The following SCD5 variants were observed in gnomAD, a reference collection of about 807,000 sequenced individuals.
The protein encoded by SCD5 is stearoyl-CoA desaturase 5, also known as acyl-CoA-desaturase 4.
In SCD5, 20 loss-of-function variants were observed where a neutral mutation model predicts 30.4. That is an observed-to-expected ratio of 0.66 (90% confidence interval 0.46 to 0.96). The LOEUF (loss-of-function observed/expected upper bound fraction) is 0.96. SCD5 is among the 40% of genes least tolerant of loss of function. SCD5 has a pLI of 0.00. For synonymous variants in SCD5, 173 were observed against 176.4 expected, an observed-to-expected ratio of 0.98 and a Z score of 0.16; for missense variants, 381 against 443.3, an observed-to-expected ratio of 0.86 and a Z score of 1.26.
At chr4:82,779,398 G>A (rs1478648418) in intron 1 of SCD5, among the ~76,000 whole-genome samples, 1 of 152,202 alleles carries the variant, frequency 6.6e-6, no homozygotes, top group Admixed American at 6.5e-5. Flanking sequence ...GATTACCCAC[G>A]AGGGCCTCCT....
At chr4:82,691,448 A>G (rs1366789355) in intron 2 of SCD5, among the ~76,000 whole-genome samples, 3 of 152,230 alleles carry the variant, frequency 2.0e-5, no homozygotes, top group Admixed American at 6.5e-5. Context: ...GAACTAAGAA[A>G]AGGCCATTGT....
In SCD5 at chr4:82,685,731, A is replaced by C. The variant is rs113529442; in HGVS notation, c.364-4819T>G. On this transcript the variant is annotated intron_variant, in intron 2 of 4. Transcript: ENST00000319540. The stretch of plus-strand genomic sequence containing the variant: ...TGTCTCAAAAAACAAAACAAACAAA[A>C]AAAAAAACTAAAAACAAAAAAAGTG... Among the ~76,000 whole-genome samples, 313 of 152,126 alleles carry C rather than the reference A, an allele frequency of 2.1e-3. 2 individuals carry two copies. The highest frequency in any genetic ancestry group is 3.6e-3 in the African/African-American group (149 of 41,538).
rs1056077577 is a variant in SCD5 at position 82,629,649 on chromosome 4, T to C, written c.*1678A>G. On this transcript the variant is annotated 3_prime_UTR_variant, in exon 5 of 5. Coordinates refer to ENST00000319540, the MANE Select transcript of SCD5 (RefSeq NM_001037582.3). ...AGAACTTCATTGTGACTATTTCCAA[T>C]TGCCATCATATCTTTTTCTAAAATT... 6.6e-6 allele frequency: 1 copy of C among 152,248 alleles called. No homozygotes were observed. Among genetic ancestry groups the C allele is most frequent in the African/African-American group, 2.4e-5 (1 of 41,468 alleles). 9.4% of individuals were successfully genotyped at this position (152,248 alleles called of 1,614,324 possible).
At chr4:82,787,778 C>G (rs1419561228) in intron 1 of SCD5, among the ~76,000 whole-genome samples, 2 of 152,056 alleles carry the variant, frequency 1.3e-5, no homozygotes, top group East Asian at 3.9e-4. Flanking sequence ...CCTGTAAGCC[C>G]AACACTTTGG....
intron 1 of SCD5, among the ~76,000 whole-genome samples, chr4:82,746,841 GCACTCCCACTTTTACACTCAA>G (rs1720994383): frequency 6.6e-6 from 1 of 151,964 alleles, no homozygotes; most frequent in Admixed American, 6.5e-5. Context: ...GCGAGAATAG[GCACTCCCACTTTTACACTCAA>G]GGGTTGCATT....
chr4:82,797,475 G>A (rs1172515516), intron 1 of SCD5, among the ~76,000 whole-genome samples: 2 of 151,254 alleles, frequency 1.3e-5, no homozygotes, highest in Non-Finnish European at 3.0e-5. Flanking sequence ...CCCAGGGGAA[G>A]GGGAATGGTG....
At chr4:82,744,762 G>A (rs963381508) in intron 1 of SCD5, among the ~76,000 whole-genome samples, 1 of 151,842 alleles carries the variant, frequency 6.6e-6, no homozygotes, top group East Asian at 1.9e-4. Context: ...GCTAGTCTTC[G>A]AGAAGTTATT....
intron 2 of SCD5, among the ~76,000 whole-genome samples, chr4:82,701,094 G>A (rs891335765): frequency 4.6e-5 from 7 of 152,208 alleles, no homozygotes; most frequent in Non-Finnish European, 1.0e-4. Context: ...AAGACAGGAG[G>A]GAGAAATTGG....
At chr4:82,650,179 T>G (rs1281713034) in intron 3 of SCD5, among the ~76,000 whole-genome samples, 1 of 152,184 alleles carries the variant, frequency 6.6e-6, no homozygotes, top group South Asian at 2.1e-4. Context: ...GGTTGTTAGG[T>G]AGTTCAACTG....
intron 3 of SCD5, among the ~76,000 whole-genome samples, chr4:82,674,205 G>A (rs1728388638): frequency 6.6e-6 from 1 of 152,012 alleles, no homozygotes; most frequent in Admixed American, 6.6e-5. Flanking sequence ...GAGAATAAAA[G>A]GACAAGCCAC....
chr4:82,679,623 T>C (rs193110926), intron 3 of SCD5, among the ~76,000 whole-genome samples: 15 of 152,258 alleles, frequency 9.9e-5, no homozygotes, highest in African/African-American at 3.6e-4. Flanking sequence ...AGCTGAGACT[T>C]AGAGTGGTTG....
chr4:82,652,177 A>T lies in SCD5; in HGVS notation c.570-15354T>A, dbSNP rs1218961534. ...TAGCCTGAAGTGTGCGGGGAATGGC[A>T]TTAGTAGGAAGCGAGGTATAAAACA... On this transcript the variant is annotated intron_variant, in intron 3 of 4. Coordinates refer to ENST00000319540, the MANE Select transcript of SCD5 (RefSeq NM_001037582.3). Among the ~76,000 whole-genome samples, 3 of 152,194 alleles carry T rather than the reference A, an allele frequency of 2.0e-5. No homozygotes were observed. The East Asian group carries it at 5.8e-4, about 29-fold the overall frequency.
At chr4:82,771,250 C>T (rs1023349675) in intron 1 of SCD5, among the ~76,000 whole-genome samples, 3 of 152,058 alleles carry the variant, frequency 2.0e-5, no homozygotes, top group Non-Finnish European at 4.4e-5. Context: ...ATTACAGGCA[C>T]GAGCCAATGA....
chr4:82,778,988 C>T (rs982170742), intron 1 of SCD5, among the ~76,000 whole-genome samples: 2 of 151,904 alleles, frequency 1.3e-5, no homozygotes. Context: ...TGCCTCAGCT[C>T]CCAAGTAGCT....
At chr4:82,774,385 T>G (rs1721695921) in intron 1 of SCD5, among the ~76,000 whole-genome samples, 1 of 152,148 alleles carries the variant, frequency 6.6e-6, no homozygotes, top group Non-Finnish European at 1.5e-5. Context: ...AAAACAAGGT[T>G]ATAGTATAAT....
chr4:82,639,527 G>A (rs763088505), intron 3 of SCD5, among the ~76,000 whole-genome samples: 7 of 152,236 alleles, frequency 4.6e-5, no homozygotes, highest in Admixed American at 1.3e-4. Flanking sequence ...GAGGGCAAAT[G>A]CTTGGGCGAG....
chr4:82,770,183 C>A (rs904536082), intron 1 of SCD5, among the ~76,000 whole-genome samples: 1 of 152,156 alleles, frequency 6.6e-6, no homozygotes, highest in Non-Finnish European at 1.5e-5. Context: ...ATCCTGCCCC[C>A]CTCCCCACAC....
chr4:82,730,648 G>T (rs6535399), intron 1 of SCD5, among the ~76,000 whole-genome samples: 25 of 141,148 alleles, frequency 1.8e-4, no homozygotes, highest in Admixed American at 9.2e-4. Context: ...TGCAGTGGCG[G>T]GATCTTGGCT....
In SCD5 at chr4:82,636,631, G is replaced by C; in HGVS notation, c.762C>G (p.Ile254Met). 1 of 1,614,200 alleles carries C rather than the reference G, an allele frequency of 6.2e-7. No individual in the cohort carries two copies. The highest frequency in any genetic ancestry group is 1.7e-5 in the Admixed American group (1 of 60,022). The change falls in exon 4 of 5, where the codon ATC becomes ATG. Residue 254 changes from isoleucine to methionine, a missense_variant. Transcript: ENST00000319540. ...MYGNRPYDKH[I>M]SPRQNPLVAL... ...CGACGAGTGGGTTCTGCCGAGGGCT[G>C]ATGTGCTTGTCATAGGGCCGGTTTC...
Sources: gnomAD v4.1 joint callset for allele counts (sites outside exome capture counted in the v4.1 genomes callset) on GRCh38, gnomAD v4.1.1 for gene constraint, MANE v1.5 for transcripts, NCBI Gene and HGNC (gene_info 2026-07-23, HGNC 2026-07-21) for gene names.